The following DDC variants were observed in gnomAD, a reference collection of about 807,000 sequenced individuals.
DDC encodes aromatic-L-amino-acid decarboxylase.
In DDC, 43 loss-of-function variants were observed where a neutral mutation model predicts 60.0. That is an observed-to-expected ratio of 0.72 (90% CI 0.56 to 0.92). The LOEUF is 0.92. Among genes scored for constraint, DDC ranks in the 40% least tolerant of loss-of-function variants. DDC has a pLI of 0.00. For missense variants in DDC, 573 were observed against 620.2 expected (o/e 0.92, Z 0.81); for synonymous variants, 232 against 234.6 (o/e 0.99, Z 0.10).
At chr7:50,514,508 CAGA>C (rs923836163) in intron 6 of DDC, among the ~76,000 whole-genome samples, 13 of 152,138 alleles carry the variant, frequency 8.5e-5, no homozygotes, top group Non-Finnish European at 1.9e-4. Flanking sequence ...AAAAATAATT[CAGA>C]AGGTTAGTTA....
chr7:50,532,902 C>T (rs1160534453), intron 4 of DDC, among the ~76,000 whole-genome samples: 3 of 152,160 alleles, frequency 2.0e-5, no homozygotes, highest in Admixed American at 6.5e-5. Flanking sequence ...AACATGAATA[C>T]AGCCAGGAGA....
chr7:50,516,882 G>C (rs528095381), intron 6 of DDC, among the ~76,000 whole-genome samples: 1 of 151,750 alleles, frequency 6.6e-6, no homozygotes, highest in South Asian at 2.1e-4. Context: ...AAATCAGGAA[G>C]AATTAGATAC....
At chr7:50,546,435 CA>C (rs1183701704) in intron 1 of DDC, among the ~76,000 whole-genome samples, 1 of 152,044 alleles carries the variant, frequency 6.6e-6, no homozygotes, top group Non-Finnish European at 1.5e-5. Flanking sequence ...GGGTAAGTAT[CA>C]AGGGTGGAGG....
intron 6 of DDC, among the ~76,000 whole-genome samples, chr7:50,515,334 A>G (rs2043697811): frequency 6.6e-6 from 1 of 152,206 alleles, no homozygotes; most frequent in African/African-American, 2.4e-5. Context: ...GGAAAGATAC[A>G]GTCCTTTTCA....
At chr7:50,492,657 C>A in intron 9 of DDC, 1 of 1,120,728 alleles carries the variant, frequency 8.9e-7, no homozygotes, top group Non-Finnish European at 1.1e-6. Flanking sequence ...TGTCTTAGGG[C>A]TTACGTTTAA....
At chr7:50,562,632 G>T (rs937547927) in intron 1 of DDC, among the ~76,000 whole-genome samples, 2 of 152,180 alleles carry the variant, frequency 1.3e-5, no homozygotes, top group Non-Finnish European at 2.9e-5. Flanking sequence ...CCTGGTCAGG[G>T]AGGACTGGCC....
At chr7:50,512,395 A>C (rs1278588363) in intron 6 of DDC, among the ~76,000 whole-genome samples, 1 of 152,212 alleles carries the variant, frequency 6.6e-6, no homozygotes, top group Non-Finnish European at 1.5e-5. Flanking sequence ...ACCTACTGGC[A>C]GAATCTGTTT....
intron 2 of DDC, among the ~76,000 whole-genome samples, chr7:50,541,818 C>G (rs572756859): frequency 2.0e-5 from 3 of 152,318 alleles, no homozygotes; most frequent in African/African-American, 7.2e-5. Context: ...TAGCACTCAT[C>G]GTTAAATATA....
At chr7:50,562,094 A>G (rs2045353419) in intron 1 of DDC, among the ~76,000 whole-genome samples, 2 of 152,158 alleles carry the variant, frequency 1.3e-5, no homozygotes, top group Admixed American at 6.5e-5. Flanking sequence ...CCATCCTCTG[A>G]CTTTAAGCAG....
intron 1 of DDC, among the ~76,000 whole-genome samples, chr7:50,559,105 A>G (rs974869293): frequency 2.0e-5 from 3 of 152,180 alleles, no homozygotes; most frequent in Non-Finnish European, 4.4e-5. Context: ...CTTTACCTAT[A>G]TCCTCCTAAA....
intron 2 of DDC, 39 bp downstream of exon 2, chr7:50,543,846 T>C (rs200961927): frequency 1.3e-4 from 214 of 1,593,380 alleles, no homozygotes; most frequent in Admixed American, 2.3e-4. Context: ...CTATGTGAGT[T>C]CTAGCCCTCC....
chr7:50,507,301 G>T lies in DDC; in HGVS notation c.715-3242C>A, dbSNP rs184316970. On this transcript the variant is annotated intron_variant, in intron 6 of 14. Transcript: ENST00000444124. ...TGTCGAGGCTGGAGTGCAGTGGTGC[G>T]ATCTCAGCTCACTGCAACCTCCACC... Among the ~76,000 whole-genome samples, 193 of 151,926 alleles carry T rather than the reference G, an allele frequency of 1.3e-3. 1 individual carries two copies. Among genetic ancestry groups the T allele is most frequent in the African/African-American group, 4.1e-3 (170 of 41,410 alleles).
At chr7:50,557,936 C>A (rs1016331926) in intron 1 of DDC, among the ~76,000 whole-genome samples, 7 of 152,172 alleles carry the variant, frequency 4.6e-5, no homozygotes, top group Non-Finnish European at 8.8e-5. Flanking sequence ...AACTTTAAAC[C>A]TTAAAACATT....
rs971183744 is a variant in DDC at position 50,529,332 on chromosome 7, C to G, written c.446G>C (p.Ser149Thr). 3.7e-6 allele frequency: 6 copies of G among 1,614,222 alleles called. No homozygotes were observed. In the Admixed American group the frequency reaches 1.0e-4, roughly 27 times the overall value. The change falls in exon 5 of 15, where the codon AGT becomes ACT. Residue 149 changes from serine (S) to threonine (T), a missense_variant. Ser to Thr is a moderately conservative substitution (Grantham distance 58, BLOSUM62 1). Coordinates refer to ENST00000444124, the MANE Select transcript of DDC (RefSeq NM_001082971.2). Reference protein sequence around the residue: ...EGGGVIQGSASEATLVALLAA... With the variant: ...EGGGVIQGSATEATLVALLAA... Reference sequence around the variant, plus strand: ...CAGCAGGGCCACCAGGGTGGCTTCACTGGCACTTCCCTAAATTCAAGAGAA... The same window carrying G: ...CAGCAGGGCCACCAGGGTGGCTTCAGTGGCACTTCCCTAAATTCAAGAGAA...
At chr7:50,515,753 C>T (rs1295946504) in intron 6 of DDC, among the ~76,000 whole-genome samples, 1 of 152,108 alleles carries the variant, frequency 6.6e-6, no homozygotes, top group Admixed American at 6.5e-5. Context: ...CAAATGGACA[C>T]CAAAAGTAAG....
intron 2 of DDC, 75 bp downstream of exon 2, chr7:50,543,810 G>A (rs2044713067): frequency 3.6e-6 from 5 of 1,392,624 alleles, no homozygotes; most frequent in African/African-American, 2.8e-5. Context: ...AACAAAGTAT[G>A]TGAATTGCTC....
At chr7:50,465,560 C>G (rs1008214771) in intron 13 of DDC, among the ~76,000 whole-genome samples, 1 of 152,160 alleles carries the variant, frequency 6.6e-6, no homozygotes, top group Admixed American at 6.5e-5. Flanking sequence ...GTAGTAGAGA[C>G]GAGGTTTCAC....
chr7:50,522,528 G>C (rs921560096), intron 6 of DDC, among the ~76,000 whole-genome samples: 2 of 152,176 alleles, frequency 1.3e-5, no homozygotes, highest in Non-Finnish European at 2.9e-5. Flanking sequence ...TTAGTAGAAA[G>C]CTATAAATCA....
chr7:50,460,124 G>T (rs1393368678), intron 14 of DDC, among the ~76,000 whole-genome samples: 2 of 138,308 alleles, frequency 1.4e-5, no homozygotes. Flanking sequence ...CTGCCCGGCC[G>T]CCCCTACTGG....
Sources: allele counts gnomAD v4.1 joint callset (sites outside exome capture counted in the v4.1 genomes callset), GRCh38; gene constraint gnomAD v4.1.1; transcripts MANE v1.5; gene names NCBI Gene and HGNC (gene_info 2026-07-23, HGNC 2026-07-21).